MYO3B: variants seen among roughly 807,000 people sequenced by gnomAD.
MYO3B encodes the protein myosin IIIB.
In MYO3B, 156 loss-of-function variants were observed where a neutral mutation model predicts 174.6. The ratio of observed to expected loss-of-function variants is 0.89; its 90% CI spans 0.78 to 1.02. The LOEUF (loss-of-function observed/expected upper bound fraction) is 1.02, where lower values mean the gene tolerates loss of function less well. Among genes scored for constraint, MYO3B ranks in the 50% least tolerant of loss-of-function variants. The pLI, the probability that MYO3B is intolerant of heterozygous loss-of-function variation, is 0.00. For synonymous variants in MYO3B, 563 were observed against 569.1 expected (o/e 0.99, Z 0.15); for missense variants, 1,632 against 1,639.4 (o/e 1.00, Z 0.08).
intron 7 of MYO3B, among the ~76,000 whole-genome samples, chr2:170,277,801 T>A (rs2093474362): frequency 6.6e-6 from 1 of 152,216 alleles, no homozygotes; most frequent in African/African-American, 2.4e-5. Flanking sequence ...TTGCTGCACA[T>A]CTTTCAGATA....
intron 7 of MYO3B, among the ~76,000 whole-genome samples, chr2:170,260,553 G>A (rs996264363): frequency 2.6e-5 from 4 of 152,174 alleles, no homozygotes; most frequent in East Asian, 3.8e-4. Context: ...GGGACTACTG[G>A]AGTTGGGAGA....
chr2:170,180,671 C>T (rs890627782), intron 1 of MYO3B, among the ~76,000 whole-genome samples: 11 of 152,012 alleles, frequency 7.2e-5, no homozygotes, highest in African/African-American at 2.4e-4. Flanking sequence ...TTTTAAAAAG[C>T]ATATAAATTT....
intron 32 of MYO3B, among the ~76,000 whole-genome samples, chr2:170,557,295 A>G (rs566839549): frequency 3.4e-4 from 52 of 152,020 alleles, no homozygotes; most frequent in African/African-American, 1.3e-3. Flanking sequence ...GCCCACCACC[A>G]TGCCCAGCTA....
At chr2:170,422,719 G>A (rs1366490890) in intron 22 of MYO3B, among the ~76,000 whole-genome samples, 2 of 151,932 alleles carry the variant, frequency 1.3e-5, no homozygotes, top group Non-Finnish European at 2.9e-5. Context: ...GCCCCCCAAA[G>A]TGCTGGGATT....
intron 22 of MYO3B, among the ~76,000 whole-genome samples, chr2:170,419,152 A>G (rs1284851478): frequency 2.6e-5 from 4 of 152,230 alleles, no homozygotes; most frequent in Admixed American, 6.5e-5. Flanking sequence ...AAGGGATCAT[A>G]TATTAGTTTG....
At position 170,649,202 on chromosome 2, in the gene MYO3B, TAAAA is replaced by T. The variant is rs1698729154; in HGVS notation, c.3734-2425_3734-2422del. Among the ~76,000 whole-genome samples, 3 of 54,542 alleles carry T rather than the reference TAAAA, an allele frequency of 5.5e-5. 1 individual carries two copies. Among genetic ancestry groups the T allele is most frequent in the African/African-American group, 2.0e-4 (2 of 9,944 alleles). 35.8% of individuals were successfully genotyped at this position (54,542 alleles called of 152,430 possible). A position where few individuals can be genotyped will look rare whatever the true frequency, so the allele number is the denominator to read the frequency against. ...TATATAAAATAATATATATTATATA[TAAAA>T]TAATATATAATATATTATATATAAA... is the stretch of plus-strand genomic sequence containing the variant. On this transcript the variant is annotated intron_variant, in intron 32 of 34. Coordinates refer to ENST00000408978, the MANE Select transcript of MYO3B (RefSeq NM_138995.5).
At chr2:170,286,328 C>T (rs1009119928) in intron 7 of MYO3B, among the ~76,000 whole-genome samples, 1 of 152,086 alleles carries the variant, frequency 6.6e-6, no homozygotes, top group Non-Finnish European at 1.5e-5. Flanking sequence ...ATCTGATTAA[C>T]CTAAAGCTGG....
chr2:170,212,183 T>C (rs57443925), intron 3 of MYO3B, among the ~76,000 whole-genome samples: 82,188 of 150,050 alleles, frequency 0.55, 22,411 homozygotes, highest in Admixed American at 0.62. Context: ...GCGGAGTTTG[T>C]GGTGAGCCAA....
intron 3 of MYO3B, among the ~76,000 whole-genome samples, chr2:170,212,399 G>T (rs939211978): frequency 6.6e-6 from 1 of 152,088 alleles, no homozygotes; most frequent in Non-Finnish European, 1.5e-5. Flanking sequence ...ATATGGGGGG[G>T]CATAATTTCT....
At chr2:170,503,933 A>AT (rs1687453548) in intron 28 of MYO3B, among the ~76,000 whole-genome samples, 1 of 152,152 alleles carries the variant, frequency 6.6e-6, no homozygotes, top group African/African-American at 2.4e-5. Flanking sequence ...AATCTTTGCA[A>AT]TTTTATGGGC....
chr2:170,436,655 A>G (rs2094756543), intron 22 of MYO3B, among the ~76,000 whole-genome samples: 2 of 152,220 alleles, frequency 1.3e-5, no homozygotes, highest in Admixed American at 1.3e-4. Flanking sequence ...TTATTTTGCT[A>G]CAGAATCAAA....
chr2:170,473,771 T>C (rs1559036273), intron 25 of MYO3B, among the ~76,000 whole-genome samples: 1 of 152,082 alleles, frequency 6.6e-6, no homozygotes, highest in Non-Finnish European at 1.5e-5. Context: ...TTTTTCGAAA[T>C]CCAAAGAGAT....
chr2:170,214,673 A>G (rs2092808440), intron 4 of MYO3B, 56 bp from the exon 5 acceptor site: 1 of 1,505,628 alleles, frequency 6.6e-7, no homozygotes, highest in African/African-American at 1.4e-5. Context: ...TAAAATAAGC[A>G]TGTAAATTTC....
At chr2:170,460,207 A>G (rs996143938) in intron 23 of MYO3B, among the ~76,000 whole-genome samples, 1 of 151,998 alleles carries the variant, frequency 6.6e-6, no homozygotes, top group African/African-American at 2.4e-5. Context: ...CACCTATTCT[A>G]GGCCGGGCGT....
At chr2:170,214,063 C>G (rs1209865153) in intron 3 of MYO3B, among the ~76,000 whole-genome samples, 1 of 152,024 alleles carries the variant, frequency 6.6e-6, no homozygotes, top group Non-Finnish European at 1.5e-5. Context: ...TTTTTCTTTC[C>G]AAAAATATTC....
intron 7 of MYO3B, among the ~76,000 whole-genome samples, chr2:170,305,041 T>C (rs1394977949): frequency 6.6e-6 from 1 of 152,084 alleles, no homozygotes; most frequent in Non-Finnish European, 1.5e-5. Flanking sequence ...TATTTTATCA[T>C]TGAAGTTTTA....
At chr2:170,640,311 G>C (rs1296027357) in intron 32 of MYO3B, 2 of 152,168 alleles carry the variant, frequency 1.3e-5, no homozygotes, top group Non-Finnish European at 2.9e-5. Flanking sequence ...AAATACAACA[G>C]CCCCTTCGCA....
intron 32 of MYO3B, among the ~76,000 whole-genome samples, chr2:170,630,528 C>A (rs1696861932): frequency 6.6e-6 from 1 of 152,228 alleles, no homozygotes; most frequent in Non-Finnish European, 1.5e-5. Flanking sequence ...CCCTGTGTGA[C>A]AGCTCTGAAG....
intron 6 of MYO3B, among the ~76,000 whole-genome samples, chr2:170,227,253 C>G (rs900413958): frequency 2.0e-5 from 3 of 152,070 alleles, no homozygotes; most frequent in Non-Finnish European, 4.4e-5. Context: ...TTCTTGTGCT[C>G]TATTATGTCC....
Sources: allele counts gnomAD v4.1 joint callset (sites outside exome capture counted in the v4.1 genomes callset), GRCh38; gene constraint gnomAD v4.1.1; transcripts MANE v1.5; gene names NCBI Gene and HGNC (gene_info 2026-07-23, HGNC 2026-07-21).